ARHGEF10L: variants seen among roughly 807,000 people sequenced by gnomAD.
ARHGEF10L encodes the protein rho guanine nucleotide exchange factor 10-like protein.
Under a neutral mutation model 141.2 loss-of-function variants are expected in ARHGEF10L, and 69 were observed. The ratio of observed to expected loss-of-function variants is 0.49; its 90% CI spans 0.40 to 0.60. The LOEUF is 0.60. Ranked by LOEUF, ARHGEF10L falls within the 20% of genes least tolerant of loss-of-function variation. The pLI is 0.00. For synonymous variants in ARHGEF10L, 711 were observed against 718.5 expected, an observed-to-expected ratio of 0.99 and a Z score of 0.17; for missense variants, 1,482 against 1,734.3, an observed-to-expected ratio of 0.85 and a Z score of 2.58.
chr1:17,599,414 C>T (rs557207499), intron 4 of ARHGEF10L, among the ~76,000 whole-genome samples: 3 of 152,210 alleles, frequency 2.0e-5, no homozygotes, highest in South Asian at 2.1e-4. Flanking sequence ...TGCTTTGTCA[C>T]GGTCACTGTC....
chr1:17,625,927 A>G lies in ARHGEF10L; in HGVS notation c.1318-29A>G, dbSNP rs1294960184. Reference sequence around the variant, plus strand: ...CACTGGGCCCTCTCTGCAGGGGGTCAGCGAATGACGGAACCTTGTCTCCAC... The same window carrying G: ...CACTGGGCCCTCTCTGCAGGGGGTCGGCGAATGACGGAACCTTGTCTCCAC... On this transcript the variant is annotated intron_variant, in intron 13 of 28. Transcript: ENST00000361221. This position sits in a 1 kb window ranked among gnomAD's most constrained non-coding sequence, Gnocchi z 4.5. 5.0e-6 allele frequency: 8 copies of G among 1,605,972 alleles called. No individual in the cohort carries two copies. In the South Asian group the frequency reaches 6.6e-5, roughly 13 times the overall value.
chr1:17,644,192 GC>G lies in ARHGEF10L; in HGVS notation c.2272+3891del, dbSNP rs1314607272. Among the ~76,000 whole-genome samples the G allele has an allele frequency of 6.6e-6, 1 of 152,262 alleles. No individual in the cohort carries two copies. The highest frequency in any genetic ancestry group is 2.4e-5 in the African/African-American group (1 of 41,470). On this transcript the variant is annotated intron_variant, in intron 21 of 28. Transcript: ENST00000361221. The surrounding 1 kb of genome is among the most constrained non-coding windows in gnomAD (Gnocchi z 4.5). ...CCAAGGCAGTGAGCCTGAGCGCAGG[GC>G]TGGGCCCTCCCTTGCTGCCTCTCAT...
At chr1:17,640,795 G>T (rs999939820) in intron 21 of ARHGEF10L, among the ~76,000 whole-genome samples, 4 of 152,198 alleles carry the variant, frequency 2.6e-5, no homozygotes, top group African/African-American at 9.7e-5. Context: ...GGACTATACT[G>T]ATTCTCAAAG....
rs1475309423 is a variant in ARHGEF10L at position 17,654,732 on chromosome 1, C to T, written c.2481+10C>T. ...ACAGGGCTACCTCTGGGTGAGTCAC[C>T]CCCCTGCCCAGCTGGGCATTCTGGC... On this transcript the variant is annotated intron_variant, in intron 23 of 28. Coordinates refer to ENST00000361221, the MANE Select transcript of ARHGEF10L (RefSeq NM_018125.4). This position sits in a 1 kb window ranked among gnomAD's most constrained non-coding sequence, Gnocchi z 4.3. The T allele has an allele frequency of 6.2e-7, 1 of 1,612,682 alleles. No individual in the cohort carries two copies. Among genetic ancestry groups the T allele is most frequent in the African/African-American group, 1.3e-5 (1 of 74,908 alleles).
chr1:17,536,617 A>G (rs1413348860), upstream of ARHGEF10L, among the ~76,000 whole-genome samples: 3 of 152,310 alleles, frequency 2.0e-5, no homozygotes, highest in East Asian at 5.8e-4. Flanking sequence ...TTTATTTTCC[A>G]GCATATGTTT....
At chr1:17,659,135 C>T (rs940063615) in intron 25 of ARHGEF10L, among the ~76,000 whole-genome samples, 1 of 152,142 alleles carries the variant, frequency 6.6e-6, no homozygotes, top group Non-Finnish European at 1.5e-5. Context: ...TGGGTTCCCT[C>T]TGGCTGGTAG....
Position 17,664,589 on chromosome 1 carries a change from G to T in ARHGEF10L, c.3003G>T (p.Gln1001His). The part of the protein sequence containing the change: ...RVTVLEATTL[Q>H]PQQSFEAHQD... Reference sequence around the variant, plus strand: ...CTGTCCTGGAAGCCACCACCCTGCAGCCTCAGGTACTGCACTATCCTTTGG... The same window carrying T: ...CTGTCCTGGAAGCCACCACCCTGCATCCTCAGGTACTGCACTATCCTTTGG... The change falls in exon 26 of 29, where the codon CAG (glutamine) becomes CAT (histidine). Residue 1001 changes from glutamine to histidine, a missense_variant. Around this residue, in one of 3 missense-constraint regions of ARHGEF10L, gnomAD observed 858 missense variants for 966.3 expected, o/e 0.89. Transcript: ENST00000361221. 1 of 1,592,808 alleles carries T rather than the reference G, an allele frequency of 6.3e-7. No individual in the cohort carries two copies. The highest frequency in any genetic ancestry group is 8.5e-7 in the Non-Finnish European group (1 of 1,172,874).
At chr1:17,531,599 G>A in the ARHGEF10L span, among the ~76,000 whole-genome samples, 3 of 152,206 alleles carry the variant, frequency 2.0e-5, no homozygotes, top group African/African-American at 7.2e-5. Context: ...AGGGTTGCCT[G>A]GAGGCTTAGC....
chr1:17,624,616 C>T, intron 13 of ARHGEF10L, 113 bp downstream of exon 13: 1 of 813,370 alleles, frequency 1.2e-6, no homozygotes, highest in Non-Finnish European at 2.1e-6. Context: ...TTGGCCTGGA[C>T]AGCTCCCCTC....
chr1:17,560,924 C>T (rs983822545), intron 1 of ARHGEF10L, among the ~76,000 whole-genome samples: 5 of 152,330 alleles, frequency 3.3e-5, no homozygotes, highest in South Asian at 4.1e-4. Context: ...GGAGGAGCCA[C>T]AGTTTCTGTC....
At chr1:17,638,453 C>T (rs1389875913) in intron 19 of ARHGEF10L, 109 bp from the exon 20 acceptor site, 3 of 1,496,330 alleles carry the variant, frequency 2.0e-6, no homozygotes, top group Non-Finnish European at 2.7e-6. Flanking sequence ...GGCTCCAGGA[C>T]TTCTTCAGTT....
intron 22 of ARHGEF10L, among the ~76,000 whole-genome samples, chr1:17,651,603 A>G (rs2061940480): frequency 6.6e-6 from 1 of 152,122 alleles, no homozygotes; most frequent in South Asian, 2.1e-4. Flanking sequence ...CCCCAAAAGA[A>G]ACCCCCATCC....
intron 3 of ARHGEF10L, among the ~76,000 whole-genome samples, chr1:17,588,001 C>T (rs1247168674): frequency 6.6e-6 from 1 of 152,216 alleles, no homozygotes; most frequent in African/African-American, 2.4e-5. Flanking sequence ...CCTCTCCTGT[C>T]TGCCTTGGGG....
chr1:17,675,424 C>T (rs1243358394), intron 26 of ARHGEF10L, among the ~76,000 whole-genome samples: 2 of 152,040 alleles, frequency 1.3e-5, no homozygotes, highest in African/African-American at 4.8e-5. Flanking sequence ...ATACTGTGCA[C>T]GTATGGGTGC....
At chr1:17,646,257 G>A (rs556236477) in intron 21 of ARHGEF10L, among the ~76,000 whole-genome samples, 1 of 152,334 alleles carries the variant, frequency 6.6e-6, no homozygotes, top group East Asian at 1.9e-4. Context: ...CTCTCGGGCA[G>A]TGACGGCATG....
intron 1 of ARHGEF10L, among the ~76,000 whole-genome samples, chr1:17,560,785 G>C (rs958993719): frequency 1.3e-5 from 2 of 152,128 alleles, no homozygotes; most frequent in Non-Finnish European, 2.9e-5. Flanking sequence ...GGCTGGTCTC[G>C]AACTCCTGAT....
intron 26 of ARHGEF10L, among the ~76,000 whole-genome samples, chr1:17,676,762 G>A (rs892120298): frequency 6.6e-6 from 1 of 151,936 alleles, no homozygotes; most frequent in African/African-American, 2.4e-5. Context: ...CCAGCCACTG[G>A]ACAGGTCCCA....
intron 15 of ARHGEF10L, among the ~76,000 whole-genome samples, chr1:17,628,613 C>T (rs368377858): frequency 1.1e-4 from 17 of 152,108 alleles, no homozygotes; most frequent in East Asian, 9.8e-4. Context: ...CTTTGGAGAA[C>T]GGATACTGTG....
At chr1:17,520,027 C>T in the ARHGEF10L span, among the ~76,000 whole-genome samples, 3 of 152,166 alleles carry the variant, frequency 2.0e-5, no homozygotes, top group Non-Finnish European at 2.9e-5. Flanking sequence ...GTACCCAGGC[C>T]CTGTGTGCCT....
Sources: gnomAD v4.1 joint callset for allele counts (sites outside exome capture counted in the v4.1 genomes callset) on GRCh38, gnomAD v4.1.1 for gene constraint, gnomAD v4.1.1 regional missense constraint, Gnocchi (gnomAD v3.1) non-coding constraint, MANE v1.5 for transcripts, NCBI Gene and HGNC (gene_info 2026-07-23, HGNC 2026-07-21) for gene names.